Variants in MECOM observed in about 807,000 individuals in gnomAD.
MECOM encodes the protein MDS1 and EVI1 complex locus, also known as histone-lysine N-methyltransferase MECOM.
A neutral mutation model predicts 116.3 loss-of-function variants in MECOM; 13 were observed. The observed-to-expected ratio is 0.11, with a 90% CI of 0.07 to 0.18. The LOEUF (loss-of-function observed/expected upper bound fraction) is 0.18. Among genes scored for constraint, MECOM ranks in the 10% least tolerant of loss-of-function variants. The probability of loss-of-function intolerance (pLI) is 1.00; values close to 1 mark genes in which losing one functional copy is unlikely to be tolerated. For missense variants in MECOM, 1,299 were observed against 1,509.0 expected (o/e 0.86, Z 2.31); for synonymous variants, 528 against 535.2 (o/e 0.99, Z 0.19).
intron 2 of MECOM, among the ~76,000 whole-genome samples, chr3:169,191,715 AG>A (rs533606196): frequency 2.8e-3 from 120 of 42,720 alleles, no homozygotes; most frequent in African/African-American, 5.7e-3. Flanking sequence ...AAAGAAAGAA[AG>A]AAAAAAAGAA....
At chr3:169,640,012 A>G (rs1213550881) in intron 1 of MECOM, among the ~76,000 whole-genome samples, 2 of 152,216 alleles carry the variant, frequency 1.3e-5, no homozygotes, top group South Asian at 2.1e-4. Context: ...TGGAACAGGA[A>G]AAAGACACAA....
chr3:169,656,279 C>T (rs1240032563), intron 1 of MECOM, among the ~76,000 whole-genome samples: 1 of 152,104 alleles, frequency 6.6e-6, no homozygotes. Context: ...TAGTTAATGA[C>T]CCCTACACAC....
At chr3:169,511,900 AT>A (rs1756018828) in intron 1 of MECOM, among the ~76,000 whole-genome samples, 2 of 152,164 alleles carry the variant, frequency 1.3e-5, no homozygotes, top group Non-Finnish European at 2.9e-5. Flanking sequence ...AATAACTTAG[AT>A]TCTTTTCATC....
intron 2 of MECOM, among the ~76,000 whole-genome samples, chr3:169,266,044 T>C (rs1758258615): frequency 6.6e-6 from 1 of 152,148 alleles, no homozygotes; most frequent in African/African-American, 2.4e-5. Context: ...ACACACAGGG[T>C]GTTATTTATG....
At chr3:169,176,851 A>C (rs947762522) in intron 2 of MECOM, among the ~76,000 whole-genome samples, 1 of 152,232 alleles carries the variant, frequency 6.6e-6, no homozygotes, top group Non-Finnish European at 1.5e-5. Flanking sequence ...TGGGGCCAAC[A>C]AACATATGAA....
intron 2 of MECOM, among the ~76,000 whole-genome samples, chr3:169,239,563 A>G (rs1293630040): frequency 6.6e-6 from 1 of 152,038 alleles, no homozygotes; most frequent in Non-Finnish European, 1.5e-5. Flanking sequence ...AGATTCAAAT[A>G]AAAAGTTCTA....
At chr3:169,546,649 C>T (rs992336081) in intron 1 of MECOM, among the ~76,000 whole-genome samples, 5 of 152,040 alleles carry the variant, frequency 3.3e-5, no homozygotes, top group Non-Finnish European at 5.9e-5. Flanking sequence ...TCCAAACAAC[C>T]CAAAACATGA....
At position 169,207,248 on chromosome 3, in the gene MECOM, G is replaced by A. The variant is rs149726748; in HGVS notation, c.376-63416C>T. On this transcript the variant is annotated intron_variant, in intron 2 of 16. Coordinates refer to ENST00000651503, the MANE Select transcript of MECOM (RefSeq NM_004991.4). ...GAAGGATGACACAAGATGGATAGGC[G>A]TTCCAGGTTAAGAATAGTTCTCAAT... is the stretch of plus-strand genomic sequence containing the variant. Among the ~76,000 whole-genome samples, 9 of 152,314 alleles carry A rather than the reference G, an allele frequency of 5.9e-5. No individual in the cohort carries two copies. In the East Asian group the frequency reaches 7.7e-4, roughly 13 times the overall value.
At chr3:169,145,155 C>T (rs993441929) in intron 2 of MECOM, 7 of 379,464 alleles carry the variant, frequency 1.8e-5, no homozygotes, top group Non-Finnish European at 3.2e-5. Context: ...CACACACACA[C>T]ACACACACAC....
chr3:169,627,346 T>A (rs904185782), intron 1 of MECOM, among the ~76,000 whole-genome samples: 1 of 152,228 alleles, frequency 6.6e-6, no homozygotes, highest in African/African-American at 2.4e-5. Context: ...ACAGCTATTA[T>A]ACTTCTCGCT....
chr3:169,558,996 C>A (rs916363516), intron 1 of MECOM, among the ~76,000 whole-genome samples: 7 of 151,622 alleles, frequency 4.6e-5, no homozygotes, highest in Non-Finnish European at 7.4e-5. Flanking sequence ...TTCTACAATC[C>A]TCTGTCTTCT....
intron 1 of MECOM, among the ~76,000 whole-genome samples, chr3:169,560,305 G>C (rs2109359002): frequency 6.6e-6 from 1 of 152,284 alleles, no homozygotes; most frequent in South Asian, 2.1e-4. Context: ...GGGTCAGAAA[G>C]GTGACTAGAG....
chr3:169,452,727 T>A (rs1745813819), intron 1 of MECOM, among the ~76,000 whole-genome samples: 1 of 152,192 alleles, frequency 6.6e-6, no homozygotes, highest in African/African-American at 2.4e-5. Context: ...TGCCATATAT[T>A]TCTTGAATGA....
Position 169,611,735 on chromosome 3 carries a change from G to A in MECOM, c.37+51601C>T, listed in dbSNP as rs892797125. Among the ~76,000 whole-genome samples the A allele has an allele frequency of 2.6e-5, 4 of 152,024 alleles. No homozygotes were observed. Among genetic ancestry groups the A allele is most frequent in the Non-Finnish European group, 4.4e-5 (3 of 68,004 alleles). ...GATATGGTGACCTTAGTACCCAAAG[G>A]ATTATTTTAGTCTTACAGATATCTC... On this transcript the variant is annotated intron_variant, in intron 1 of 16. Coordinates refer to ENST00000651503, the MANE Select transcript of MECOM (RefSeq NM_004991.4). The surrounding 1 kb of genome is among the most constrained non-coding windows in gnomAD (Gnocchi z 4.1).
intron 1 of MECOM, among the ~76,000 whole-genome samples, chr3:169,424,054 G>T (rs563150791): frequency 2.6e-5 from 4 of 152,180 alleles, no homozygotes; most frequent in African/African-American, 9.6e-5. Context: ...TCCTCTGCCA[G>T]AATTTATAGT....
chr3:169,654,665 G>T (rs1196219350), intron 1 of MECOM, among the ~76,000 whole-genome samples: 1 of 152,184 alleles, frequency 6.6e-6, no homozygotes, highest in Non-Finnish European at 1.5e-5. Context: ...ATACAAGAAG[G>T]GGAGGGAATG....
intron 2 of MECOM, among the ~76,000 whole-genome samples, chr3:169,299,704 A>G (rs947079949): frequency 2.6e-5 from 4 of 152,318 alleles, no homozygotes; most frequent in East Asian, 3.9e-4. Context: ...CTCAGCCACT[A>G]TGGAATTTTA....
At position 169,355,679 on chromosome 3, in the gene MECOM, T is replaced by C. The variant is rs532431413; in HGVS notation, c.375+25508A>G. On this transcript the variant is annotated intron_variant, in intron 2 of 16. Transcript: ENST00000651503. ...CCAAGTATATGTTCTTTTTACATTT[T>C]TGCTCAATTAACTATTGTTTTACTT... Among the ~76,000 whole-genome samples, 91 of 152,058 alleles carry C rather than the reference T, an allele frequency of 6.0e-4. 1 individual carries two copies. The highest frequency in any genetic ancestry group is 4.4e-5 in the Non-Finnish European group (3 of 67,908).
At chr3:169,345,168 T>C (rs1407662144) in intron 2 of MECOM, among the ~76,000 whole-genome samples, 1 of 152,114 alleles carries the variant, frequency 6.6e-6, no homozygotes, top group Non-Finnish European at 1.5e-5. Flanking sequence ...TGCACTGTCA[T>C]TTCAAAGCTT....
Sources: allele counts gnomAD v4.1 joint callset (sites outside exome capture counted in the v4.1 genomes callset), GRCh38; gene constraint gnomAD v4.1.1; non-coding constraint Gnocchi (gnomAD v3.1); transcripts MANE v1.5; gene names NCBI Gene and HGNC (gene_info 2026-07-23, HGNC 2026-07-21).